Variants in ACOXL observed in about 807,000 individuals in gnomAD.
ACOXL encodes the protein acyl-CoA oxidase like, also known as acyl-coenzyme A oxidase-like protein.
Under a neutral mutation model 71.9 loss-of-function variants are expected in ACOXL, and 70 were observed. The ratio of observed to expected loss-of-function variants is 0.97; its 90% confidence interval spans 0.80 to 1.19. The LOEUF is 1.19. ACOXL is among the 50% of genes most tolerant of loss of function. The pLI is 0.00. For missense variants in ACOXL, 703 were observed against 736.3 expected, an observed-to-expected ratio of 0.95 and a Z score of 0.52; for synonymous variants, 253 against 281.6, an observed-to-expected ratio of 0.90 and a Z score of 1.02.
intron 11 of ACOXL, among the ~76,000 whole-genome samples, chr2:110,927,217 C>A (rs1030363155): frequency 3.3e-5 from 5 of 152,164 alleles, no homozygotes; most frequent in Admixed American, 6.5e-5. Context: ...ATCACAAAAA[C>A]AGCAAGGGGG....
chr2:111,073,823 T>TA (rs1232552695), intron 16 of ACOXL, among the ~76,000 whole-genome samples: 1 of 152,174 alleles, frequency 6.6e-6, no homozygotes, highest in African/African-American at 2.4e-5. Flanking sequence ...ATTGGAATTA[T>TA]AAAAAATCTA....
chr2:111,112,058 G>T (rs1056958000), intron 17 of ACOXL, among the ~76,000 whole-genome samples: 2 of 152,210 alleles, frequency 1.3e-5, no homozygotes, highest in African/African-American at 4.8e-5. Flanking sequence ...TGATTTTGTT[G>T]TTGTTTGGTA....
At chr2:110,986,961 T>TA in intron 12 of ACOXL, 147 bp from the exon 13 acceptor site, 1 of 671,708 alleles carries the variant, frequency 1.5e-6, no homozygotes, top group Non-Finnish European at 2.5e-6. Context: ...CTTGGGGAAA[T>TA]AGAGACCCTT....
intron 16 of ACOXL, among the ~76,000 whole-genome samples, chr2:111,076,809 C>G (rs74580359): frequency 2.0e-5 from 3 of 152,232 alleles, no homozygotes; most frequent in East Asian, 3.9e-4. Flanking sequence ...GGCAGGATTG[C>G]GCTACCTTTG....
At chr2:110,998,178 A>G (rs2149603220) in intron 14 of ACOXL, among the ~76,000 whole-genome samples, 1 of 152,324 alleles carries the variant, frequency 6.6e-6, no homozygotes, top group African/African-American at 2.4e-5. Flanking sequence ...CAAAGTAAAA[A>G]CATACTGAAT....
chr2:110,971,101 A>C (rs893819336), intron 12 of ACOXL, among the ~76,000 whole-genome samples: 1 of 152,210 alleles, frequency 6.6e-6, no homozygotes, highest in African/African-American at 2.4e-5. Flanking sequence ...GAATATATAA[A>C]GACCTCTCAA....
At chr2:110,895,124 A>C (rs2058955838) in intron 10 of ACOXL, among the ~76,000 whole-genome samples, 1 of 152,242 alleles carries the variant, frequency 6.6e-6, no homozygotes, top group Non-Finnish European at 1.5e-5. Flanking sequence ...ATTTTAAAGC[A>C]GCCATCATAA....
chr2:111,109,618 T>C (rs1323011990), intron 17 of ACOXL, among the ~76,000 whole-genome samples: 1 of 151,978 alleles, frequency 6.6e-6, no homozygotes, highest in African/African-American at 2.4e-5. Context: ...AGGAGTTACA[T>C]TTATCTCAGA....
intron 16 of ACOXL, among the ~76,000 whole-genome samples, chr2:111,069,151 T>C (rs555842834): frequency 1.3e-5 from 2 of 151,258 alleles, no homozygotes; most frequent in South Asian, 2.1e-4. Flanking sequence ...TTTTCTTTTT[T>C]TTTTTTTTTT....
chr2:110,906,808 G>C (rs2059468705), intron 10 of ACOXL, among the ~76,000 whole-genome samples: 1 of 152,128 alleles, frequency 6.6e-6, no homozygotes, highest in Non-Finnish European at 1.5e-5. Flanking sequence ...CTGGGACTCA[G>C]CCTTCTTGAC....
intron 12 of ACOXL, among the ~76,000 whole-genome samples, chr2:110,949,649 T>TA (rs2061249336): frequency 6.6e-6 from 1 of 152,142 alleles, no homozygotes; most frequent in Non-Finnish European, 1.5e-5. Flanking sequence ...TTATTTTTTT[T>TA]TAAAAAAATC....
At chr2:110,748,234 G>T (rs1300570003) in intron 1 of ACOXL, among the ~76,000 whole-genome samples, 1 of 152,166 alleles carries the variant, frequency 6.6e-6, no homozygotes, top group Non-Finnish European at 1.5e-5. Flanking sequence ...TTAGCGTGGT[G>T]CAGGTGCCTA....
intron 16 of ACOXL, among the ~76,000 whole-genome samples, chr2:111,054,573 G>T (rs2066441197): frequency 6.6e-6 from 1 of 152,168 alleles, no homozygotes; most frequent in African/African-American, 2.4e-5. Flanking sequence ...GCTTCCTTAG[G>T]ATTTCTTACC....
Position 111,117,794 on chromosome 2 carries a change from C to A in ACOXL, c.1721C>A (p.Pro574His). 1 of 1,550,168 alleles carries A rather than the reference C, an allele frequency of 6.5e-7. No homozygotes were observed. Among genetic ancestry groups the A allele is most frequent in the Non-Finnish European group, 8.7e-7 (1 of 1,146,638 alleles). Reference sequence around the variant, plus strand: ...CGGGAAGAGGCGCGCTCCCGGCGGCCCAAGCTGGGAGCCAAGCTCTAACGG... The same window carrying A: ...CGGGAAGAGGCGCGCTCCCGGCGGCACAAGCTGGGAGCCAAGCTCTAACGG... ...RPREEARSRR[P>H]KLGAKL The change falls in exon 18 of 18, where the codon CCC becomes CAC. Residue 574 changes from proline (P) to histidine (H), a missense_variant. Physicochemically the swap from Pro to His is moderately conservative, Grantham distance 77 (BLOSUM62 -2). Transcript: ENST00000439055.
intron 2 of ACOXL, among the ~76,000 whole-genome samples, chr2:110,776,013 G>A (rs1408140069): frequency 6.6e-6 from 1 of 152,164 alleles, no homozygotes; most frequent in African/African-American, 2.4e-5. Flanking sequence ...CAACCCAAAT[G>A]TCAATTGGCA....
intron 13 of ACOXL, among the ~76,000 whole-genome samples, chr2:110,990,275 T>G (rs1354789200): frequency 6.6e-6 from 1 of 152,170 alleles, no homozygotes; most frequent in African/African-American, 2.4e-5. Flanking sequence ...TTTCATAGAT[T>G]TATTACTGGT....
Position 111,031,660 on chromosome 2 carries a change from T to G in ACOXL, c.1315T>G (p.Trp439Gly). The G allele has an allele frequency of 6.2e-7, 1 of 1,614,194 alleles. No individual in the cohort carries two copies. The highest frequency in any genetic ancestry group is 8.5e-7 in the Non-Finnish European group (1 of 1,180,036). Reference protein sequence around the residue: ...KTKKEDFFHAWNSCLHHVASL... With the variant: ...KTKKEDFFHAGNSCLHHVASL... The stretch of plus-strand genomic sequence containing the variant: ...CAAGAAGGAGGATTTTTTCCATGCC[T>G]GGAACTCGTGTCTGCACCACGTGGC... The change falls in exon 15 of 18, where the codon TGG (tryptophan) becomes GGG (glycine). Residue 439 changes from tryptophan to glycine, a missense_variant. Trp to Gly is a radical substitution (Grantham distance 184, BLOSUM62 -2). Transcript: ENST00000439055.
intron 17 of ACOXL, among the ~76,000 whole-genome samples, chr2:111,094,636 A>G (rs2068709094): frequency 6.6e-6 from 1 of 152,182 alleles, no homozygotes; most frequent in African/African-American, 2.4e-5. Flanking sequence ...TGTCCTATTC[A>G]CCTTCTAAAA....
At chr2:111,085,687 A>G (rs2068171880) in intron 16 of ACOXL, among the ~76,000 whole-genome samples, 2 of 152,174 alleles carry the variant, frequency 1.3e-5, no homozygotes, top group African/African-American at 2.4e-5. Flanking sequence ...GCAAGAGCAA[A>G]CCAACCCCTA....
Sources: gnomAD v4.1 joint callset for allele counts (sites outside exome capture counted in the v4.1 genomes callset) on GRCh38, gnomAD v4.1.1 for gene constraint, MANE v1.5 for transcripts, NCBI Gene and HGNC (gene_info 2026-07-23, HGNC 2026-07-21) for gene names.